SLC17A5: variants seen among roughly 807,000 people sequenced by gnomAD.
SLC17A5 encodes sialin.
SLC17A5 carries 47 observed loss-of-function variants against 59.4 expected under a neutral mutation model. The ratio of observed to expected loss-of-function variants is 0.79; its 90% CI spans 0.63 to 1.01. SLC17A5 has a LOEUF of 1.01. Ranked by LOEUF, SLC17A5 falls within the 50% of genes least tolerant of loss-of-function variation. SLC17A5 has a pLI of 0.00. For synonymous variants in SLC17A5, 202 were observed against 210.7 expected (o/e 0.96, Z 0.36); for missense variants, 522 against 595.5 (o/e 0.88, Z 1.28).
intron 6 of SLC17A5, among the ~76,000 whole-genome samples, chr6:73,624,211 C>T (rs554650334): frequency 6.6e-6 from 1 of 151,726 alleles, no homozygotes; most frequent in African/African-American, 2.4e-5. Context: ...CGAGACCAAC[C>T]TGGGCAACAT....
At chr6:73,620,509 TG>T (rs747932893) in intron 7 of SLC17A5, among the ~76,000 whole-genome samples, 32 of 152,302 alleles carry the variant, frequency 2.1e-4, no homozygotes, top group Non-Finnish European at 3.2e-4. Context: ...GTGCAATTTG[TG>T]GAAATATTTC....
intron 9 of SLC17A5, among the ~76,000 whole-genome samples, chr6:73,606,300 C>T (rs1561986628): frequency 6.6e-6 from 1 of 152,098 alleles, no homozygotes; most frequent in Non-Finnish European, 1.5e-5. Context: ...GCCTCAGCCT[C>T]CCAAAGTGCT....
chr6:73,609,766 C>T lies in SLC17A5; in HGVS notation c.1259+634G>A, dbSNP rs373718973. On this transcript the variant is annotated intron_variant, in intron 9 of 10. Coordinates refer to ENST00000355773, the MANE Select transcript of SLC17A5 (RefSeq NM_012434.5). ...GTTTAAATTTAAAAACAACTTCCTG[C>T]TTTAATTATTGTGTAAATTAAAATC... is the stretch of plus-strand genomic sequence containing the variant. Among the ~76,000 whole-genome samples, 6 of 152,210 alleles carry T rather than the reference C, an allele frequency of 3.9e-5. No individual in the cohort carries two copies. In the East Asian group the frequency reaches 5.8e-4, roughly 15 times the overall value.
intron 6 of SLC17A5, among the ~76,000 whole-genome samples, chr6:73,631,340 CA>C (rs1489705834): frequency 4.0e-5 from 6 of 151,760 alleles, no homozygotes; most frequent in African/African-American, 1.5e-4. Context: ...CCATAAACTA[CA>C]AAAAATGCGA....
chr6:73,634,436 G>A (rs143606520), intron 6 of SLC17A5, among the ~76,000 whole-genome samples: 22 of 152,280 alleles, frequency 1.4e-4, no homozygotes, highest in African/African-American at 3.9e-4. Flanking sequence ...GTCTTGCTCT[G>A]TCACCCAGGC....
chr6:73,618,642 C>A (rs761498202), intron 7 of SLC17A5: 2 of 374,818 alleles, frequency 5.3e-6, no homozygotes, highest in East Asian at 1.3e-4. Flanking sequence ...TCTATAAACA[C>A]ATTTTAGATA....
In SLC17A5 at chr6:73,638,477, T is replaced by C. The variant is rs119491109; in HGVS notation, c.548A>G (p.His183Arg). 1 of 1,613,992 alleles carries C rather than the reference T, an allele frequency of 6.2e-7. No individual in the cohort carries two copies. The highest frequency in any genetic ancestry group is 1.7e-5 in the Admixed American group (1 of 60,010). Residue 183 changes from histidine (H) to arginine (R), a missense_variant, in exon 4 of 11, where the codon CAT becomes CGT. By Grantham distance (29) the His-to-Arg change is conservative (BLOSUM62 0). Transcript: ENST00000355773. ...GGGAGCCCAAGAAGACCACATGGCA[T>C]GCATGGCTGGAAATGTAACACCCTG... The part of the protein sequence containing the change: ...LGEGVTFPAM[H>R]AMWSSWAPPL...
chr6:73,629,069 AAGG>A (rs1484815482), intron 6 of SLC17A5, among the ~76,000 whole-genome samples: 1 of 152,174 alleles, frequency 6.6e-6, no homozygotes, highest in Non-Finnish European at 1.5e-5. Context: ...AAAAGGCATA[AAGG>A]AGAAGTAAAA....
At chr6:73,630,863 G>A (rs1741900) in intron 6 of SLC17A5, among the ~76,000 whole-genome samples, 23,884 of 150,194 alleles carry the variant, frequency 0.16, 3,060 homozygotes, top group African/African-American at 0.34. Context: ...CCTGACCAAC[G>A]TGGAGAAACC....
At chr6:73,620,867 G>A (rs1041652018) in intron 7 of SLC17A5, among the ~76,000 whole-genome samples, 5 of 151,734 alleles carry the variant, frequency 3.3e-5, no homozygotes, top group African/African-American at 1.2e-4. Context: ...GATTACAGGT[G>A]TAGGCCACCA....
chr6:73,598,898 C>T (rs563341213), intron 10 of SLC17A5, among the ~76,000 whole-genome samples: 2 of 151,992 alleles, frequency 1.3e-5, no homozygotes, highest in South Asian at 2.1e-4. Context: ...GCAGGAAAAT[C>T]GCCGGAACCC....
chr6:73,632,606 C>T (rs948317659), intron 6 of SLC17A5, among the ~76,000 whole-genome samples: 1 of 151,316 alleles, frequency 6.6e-6, no homozygotes, highest in Non-Finnish European at 1.5e-5. Context: ...TCATGCTTGG[C>T]TAATTTTTAA....
At chr6:73,601,556 A>G (rs1430530235) in intron 9 of SLC17A5, among the ~76,000 whole-genome samples, 2 of 79,022 alleles carry the variant, frequency 2.5e-5, no homozygotes, top group Non-Finnish European at 2.4e-5. Flanking sequence ...CCGGGAGGTG[A>G]GGGGAGCCTC....
intron 6 of SLC17A5, among the ~76,000 whole-genome samples, chr6:73,632,206 G>A (rs1052748244): frequency 2.0e-5 from 3 of 148,706 alleles, no homozygotes; most frequent in Non-Finnish European, 4.4e-5. Flanking sequence ...GGCTGAGGTG[G>A]GAAGACTGCT....
intron 6 of SLC17A5, among the ~76,000 whole-genome samples, chr6:73,623,294 C>T (rs1768237739): frequency 6.6e-6 from 1 of 151,854 alleles, no homozygotes; most frequent in East Asian, 1.9e-4. Context: ...CTGCCTTGGC[C>T]TCCCAAAGTG....
chr6:73,612,648 C>T (rs900868432), intron 8 of SLC17A5, among the ~76,000 whole-genome samples: 14 of 152,138 alleles, frequency 9.2e-5, no homozygotes, highest in Admixed American at 4.6e-4. Context: ...GATCATAGCT[C>T]TCTGCAGCCT....
At chr6:73,648,315 T>C (rs1397427564) in intron 1 of SLC17A5, among the ~76,000 whole-genome samples, 5 of 152,224 alleles carry the variant, frequency 3.3e-5, no homozygotes, top group Admixed American at 2.0e-4. Context: ...AGAACATCCA[T>C]TGAGCATCAA....
At chr6:73,631,849 C>T (rs927853296) in intron 6 of SLC17A5, among the ~76,000 whole-genome samples, 5 of 150,998 alleles carry the variant, frequency 3.3e-5, no homozygotes, top group African/African-American at 1.2e-4. Context: ...TTTTTAAGTC[C>T]TCAGCTGACA....
At chr6:73,640,978 A>G (rs1769251688) in intron 3 of SLC17A5, among the ~76,000 whole-genome samples, 1 of 152,232 alleles carries the variant, frequency 6.6e-6, no homozygotes, top group South Asian at 2.1e-4. Context: ...AATTAAATGC[A>G]ACTCAACAGT....
Sources: gnomAD v4.1 joint callset for allele counts (sites outside exome capture counted in the v4.1 genomes callset) on GRCh38, gnomAD v4.1.1 for gene constraint, MANE v1.5 for transcripts, NCBI Gene and HGNC (gene_info 2026-07-23, HGNC 2026-07-21) for gene names.